DENND2D: variants seen among roughly 807,000 people sequenced by gnomAD.
DENND2D encodes the protein DENN domain-containing protein 2D.
A neutral mutation model predicts 59.8 loss-of-function variants in DENND2D; 37 were observed. The ratio of observed to expected loss-of-function variants is 0.62; its 90% CI spans 0.48 to 0.81. The LOEUF (loss-of-function observed/expected upper bound fraction) is 0.81, where lower values mean the gene tolerates loss of function less well. DENND2D is among the 40% of genes least tolerant of loss of function. DENND2D has a pLI of 0.00. For synonymous variants in DENND2D, 219 were observed against 211.3 expected (o/e 1.04, Z -0.31); for missense variants, 525 against 579.7 (o/e 0.91, Z 0.97).
chr1:111,204,145 C>T, upstream of DENND2D: 2 of 783,618 alleles, frequency 2.6e-6, no homozygotes, highest in Admixed American at 4.4e-5. Flanking sequence ...TTCCCGCTCA[C>T]CTGCCCCCGC....
chr1:111,198,108 T>TA (rs764436211), intron 3 of DENND2D, 119 bp from the exon 4 acceptor site: 80 of 918,942 alleles, frequency 8.7e-5, no homozygotes, highest in African/African-American at 8.1e-4. Flanking sequence ...ATCACAGGAG[T>TA]AAGGGCTCAC....
chr1:111,202,801 G>A (rs1452070940), upstream of DENND2D, among the ~76,000 whole-genome samples: 2 of 152,126 alleles, frequency 1.3e-5, no homozygotes, highest in Non-Finnish European at 2.9e-5. Context: ...GCAAGTGGAG[G>A]ATGGTATGGA....
At chr1:111,195,751 A>G in intron 6 of DENND2D, 165 bp downstream of exon 6, 2 of 945,676 alleles carry the variant, frequency 2.1e-6, no homozygotes, top group Non-Finnish European at 3.2e-6. Context: ...AGGATCAGAA[A>G]ATCTGGGTTT....
chr1:111,192,122 C>T lies in DENND2D; in HGVS notation c.972+18G>A. Reference sequence around the variant, plus strand: ...TCTACCTGGCTCCAAATCATGCACTCTTCTTGCCACATCATACCTCTTCCA... The same window carrying T: ...TCTACCTGGCTCCAAATCATGCACTTTTCTTGCCACATCATACCTCTTCCA... On this transcript the variant is annotated intron_variant, in intron 8 of 11. Transcript: ENST00000357640. 2 of 1,564,566 alleles carry T rather than the reference C, an allele frequency of 1.3e-6. No individual in the cohort carries two copies. Among genetic ancestry groups the T allele is most frequent in the Admixed American group, 1.7e-5 (1 of 57,144 alleles).
rs1326111971 is a variant in DENND2D, at chr1:111,198,004, A to G, written c.357-15T>C. ...AGAAGGTCTCCCTAAGAAAGAGCAG[A>G]CAAGGCTTGATTTGTATTGCTCACT... On this transcript the variant is annotated splice_polypyrimidine_tract_variant and intron_variant, in intron 3 of 11. Transcript: ENST00000357640. 4.3e-6 allele frequency: 7 copies of G among 1,612,846 alleles called. No homozygotes were observed. The highest frequency in any genetic ancestry group is 4.5e-5 in the East Asian group (2 of 44,860).
At chr1:111,193,461 G>A (rs1247408646) in intron 7 of DENND2D, among the ~76,000 whole-genome samples, 4 of 152,334 alleles carry the variant, frequency 2.6e-5, no homozygotes, top group African/African-American at 9.6e-5. Flanking sequence ...AAGGCTGGGA[G>A]TGAAAGAGCT....
At chr1:111,188,573 C>T (rs2101441972) in intron 10 of DENND2D, 129 bp downstream of exon 10, 1 of 1,180,968 alleles carries the variant, frequency 8.5e-7, no homozygotes, top group Non-Finnish European at 1.2e-6. Flanking sequence ...TTCAGACTTG[C>T]CCTAGGTTCT....
rs1657309597 is a variant in DENND2D, at chr1:111,187,276, G to A, written c.*329C>T. 3.4e-6 allele frequency: 1 copy of A among 295,206 alleles called. No homozygotes were observed. The highest frequency in any genetic ancestry group is 4.4e-5 in the Admixed American group (1 of 22,982). The allele number at this position is 295,206 out of a possible 1,614,324, so 18.3% of individuals were successfully genotyped here. A position where few individuals can be genotyped will look rare whatever the true frequency, so the allele number is the denominator to read the frequency against. On this transcript the variant is annotated 3_prime_UTR_variant, in exon 12 of 12. Transcript: ENST00000357640. The stretch of plus-strand genomic sequence containing the variant: ...ACAAAGTGTGTTCTGTGTTGAAGAT[G>A]TTATAATGATGGGAGAGGGCAGTTG...
At chr1:111,190,834 G>C (rs548093486) in intron 8 of DENND2D, among the ~76,000 whole-genome samples, 1 of 152,334 alleles carries the variant, frequency 6.6e-6, no homozygotes, top group South Asian at 2.1e-4. Context: ...AGTTGAACTA[G>C]TCCAGGCCTG....
chr1:111,200,045 A>G (rs888313538), intron 1 of DENND2D: 9 of 599,548 alleles, frequency 1.5e-5, no homozygotes, highest in Non-Finnish European at 2.6e-5. Flanking sequence ...GAAGCCACGG[A>G]AATGTGCTGG....
At chr1:111,204,148 G>GC, upstream of DENND2D, 1 of 730,666 alleles carries the variant, frequency 1.4e-6, no homozygotes, top group Non-Finnish European at 1.9e-6. Context: ...CCGCTCACCT[G>GC]CCCCCGCGCA....
intron 7 of DENND2D, among the ~76,000 whole-genome samples, chr1:111,193,645 C>T (rs1475012237): frequency 6.6e-6 from 1 of 152,164 alleles, no homozygotes; most frequent in South Asian, 2.1e-4. Context: ...CTGTTGAGTC[C>T]CTAACATCCT....
intron 8 of DENND2D, among the ~76,000 whole-genome samples, chr1:111,190,027 G>C (rs954547745): frequency 6.6e-6 from 1 of 152,050 alleles, no homozygotes; most frequent in Non-Finnish European, 1.5e-5. Context: ...AGCCGGGTGT[G>C]GTGGCGGGCG....
intron 4 of DENND2D, chr1:111,197,503 T>C: frequency 7.1e-7 from 1 of 1,405,188 alleles, no homozygotes; most frequent in Non-Finnish European, 9.3e-7. Context: ...GGGTAGCAAG[T>C]GTGCCTTAGA....
chr1:111,198,310 C>T (rs1300605623), intron 3 of DENND2D, among the ~76,000 whole-genome samples: 1 of 152,206 alleles, frequency 6.6e-6, no homozygotes, highest in Non-Finnish European at 1.5e-5. Flanking sequence ...GCTAGAAGGG[C>T]CTTTGCTACG....
At chr1:111,202,354 G>A (rs1658888470), upstream of DENND2D, 1 of 152,146 alleles carries the variant, frequency 6.6e-6, no homozygotes, top group African/African-American at 2.4e-5. Flanking sequence ...TCTTTCAAAA[G>A]GTGTTATCCA....
At chr1:111,190,323 C>T (rs1657659490) in intron 8 of DENND2D, among the ~76,000 whole-genome samples, 1 of 152,144 alleles carries the variant, frequency 6.6e-6, no homozygotes, top group Non-Finnish European at 1.5e-5. Context: ...TGGGCTGGAA[C>T]TTGGGGGACC....
intron 7 of DENND2D, among the ~76,000 whole-genome samples, chr1:111,193,173 C>T (rs1440811099): frequency 1.3e-5 from 2 of 152,188 alleles, no homozygotes; most frequent in African/African-American, 2.4e-5. Flanking sequence ...AGCACAGATG[C>T]GGGAATCCTT....
At chr1:111,190,655 T>G (rs1249202551) in intron 8 of DENND2D, among the ~76,000 whole-genome samples, 1 of 152,198 alleles carries the variant, frequency 6.6e-6, no homozygotes, top group Non-Finnish European at 1.5e-5. Context: ...TCCCAAATCA[T>G]GTATTGGTCA....
Sources: allele counts gnomAD v4.1 joint callset (sites outside exome capture counted in the v4.1 genomes callset), GRCh38; gene constraint gnomAD v4.1.1; transcripts MANE v1.5; gene names NCBI Gene and HGNC (gene_info 2026-07-23, HGNC 2026-07-21).